The following SCCPDH variants were observed in gnomAD, a reference collection of about 807,000 sequenced individuals.
SCCPDH encodes the protein saccharopine dehydrogenase (putative).
A neutral mutation model predicts 51.5 loss-of-function variants in SCCPDH; 34 were observed. That is an observed-to-expected ratio of 0.66 (90% CI 0.50 to 0.88). SCCPDH has a LOEUF of 0.88. Ranked by LOEUF, SCCPDH falls within the 40% of genes least tolerant of loss-of-function variation. The pLI is 0.00. For synonymous variants in SCCPDH, 187 were observed against 191.3 expected, an observed-to-expected ratio of 0.98 and a Z score of 0.19; for missense variants, 464 against 527.1, an observed-to-expected ratio of 0.88 and a Z score of 1.17.
intron 9 of SCCPDH, among the ~76,000 whole-genome samples, chr1:246,761,803 CAT>C (rs528807135): frequency 2.0e-3 from 308 of 152,370 alleles, no homozygotes; most frequent in African/African-American, 6.6e-3. Context: ...TCAGTGAACA[CAT>C]GTGTTGCCTC....
chr1:246,730,953 G>A (rs983093130), intron 2 of SCCPDH, among the ~76,000 whole-genome samples: 12 of 152,160 alleles, frequency 7.9e-5, no homozygotes, highest in Non-Finnish European at 1.6e-4. Flanking sequence ...GCAGCTACTC[G>A]GGAGGCTGAC....
chr1:246,762,444 C>T (rs527722839), intron 9 of SCCPDH, among the ~76,000 whole-genome samples: 2 of 152,268 alleles, frequency 1.3e-5, no homozygotes, highest in Admixed American at 6.5e-5. Flanking sequence ...CCACTGCTGT[C>T]CAAGAGATCT....
At chr1:246,733,743 AAAT>A (rs1216505115) in intron 2 of SCCPDH, among the ~76,000 whole-genome samples, 2 of 152,238 alleles carry the variant, frequency 1.3e-5, no homozygotes, top group African/African-American at 4.8e-5. Context: ...CAGAAAATAC[AAAT>A]AATATACTGT....
chr1:246,762,737 A>T (rs1341037623), intron 9 of SCCPDH, among the ~76,000 whole-genome samples: 1 of 150,370 alleles, frequency 6.7e-6, no homozygotes, highest in Non-Finnish European at 1.5e-5. Context: ...GCTACTCAGG[A>T]GGCTGAGGCA....
chr1:246,741,420 C>CT (rs1668674702), intron 4 of SCCPDH, among the ~76,000 whole-genome samples: 1 of 152,232 alleles, frequency 6.6e-6, no homozygotes, highest in South Asian at 2.1e-4. Flanking sequence ...CCACAACCTC[C>CT]TAAGTAGCTA....
Position 246,727,017 on chromosome 1 carries a change from C to T in SCCPDH, c.303+13C>T, listed in dbSNP as rs186567447. On this transcript the variant is annotated intron_variant, in intron 2 of 11. Coordinates refer to ENST00000366510, the MANE Select transcript of SCCPDH (RefSeq NM_016002.3). ...TTGCGTAGGACCAGTAAGTAATCAA[C>T]CCTTCTTTGTATCAGAACAAACAAT... 1.1e-5 allele frequency: 16 copies of T among 1,511,784 alleles called. No homozygotes were observed. Among genetic ancestry groups the T allele is most frequent in the Middle Eastern group, 3.4e-4 (2 of 5,884 alleles). The allele number at this position is 1,511,784 out of a possible 1,614,324, so 93.6% of individuals were successfully genotyped here.
At chr1:246,734,570 C>T (rs1215252409) in intron 2 of SCCPDH, among the ~76,000 whole-genome samples, 1 of 152,158 alleles carries the variant, frequency 6.6e-6, no homozygotes, top group Non-Finnish European at 1.5e-5. Flanking sequence ...ACACTTCTCC[C>T]AGTCCTGTAA....
intron 5 of SCCPDH, among the ~76,000 whole-genome samples, chr1:246,752,643 G>A (rs1045133245): frequency 3.3e-5 from 5 of 151,908 alleles, no homozygotes; most frequent in African/African-American, 1.2e-4. Context: ...ACGAATCGGA[G>A]GAATCTGTAA....
intron 10 of SCCPDH, among the ~76,000 whole-genome samples, chr1:246,765,380 T>C (rs1669072927): frequency 6.6e-6 from 1 of 152,236 alleles, no homozygotes; most frequent in South Asian, 2.1e-4. Flanking sequence ...TGAATTGCCA[T>C]GCCTGGCCCA....
chr1:246,732,676 C>T (rs1348990425), intron 2 of SCCPDH, among the ~76,000 whole-genome samples: 1 of 152,148 alleles, frequency 6.6e-6, no homozygotes, highest in Non-Finnish European at 1.5e-5. Context: ...GCATGAGCCA[C>T]CACACCCAGC....
chr1:246,742,584 T>C (rs1382399486), intron 4 of SCCPDH, among the ~76,000 whole-genome samples: 1 of 152,184 alleles, frequency 6.6e-6, no homozygotes, highest in East Asian at 1.9e-4. Flanking sequence ...ACGTTAATGA[T>C]CTGCTTTTTA....
intron 2 of SCCPDH, among the ~76,000 whole-genome samples, chr1:246,732,796 C>A (rs371044164): frequency 2.2e-4 from 33 of 152,242 alleles, no homozygotes; most frequent in African/African-American, 7.5e-4. Context: ...TCTTTGTATT[C>A]TCTTATTTCA....
At chr1:246,738,705 T>C (rs1558168490) in intron 3 of SCCPDH, among the ~76,000 whole-genome samples, 1 of 151,070 alleles carries the variant, frequency 6.6e-6, no homozygotes, top group South Asian at 2.1e-4. Flanking sequence ...AAATAGAAAA[T>C]TAGCTGGGCG....
intron 3 of SCCPDH, among the ~76,000 whole-genome samples, chr1:246,739,067 G>T (rs566090071): frequency 1.3e-5 from 2 of 152,170 alleles, no homozygotes; most frequent in South Asian, 4.1e-4. Context: ...TTGTGTTCGT[G>T]TGTGTTTGTG....
rs560110751 is a variant in SCCPDH at position 246,752,808 on chromosome 1, C to A, written c.565-5418C>A. Reference sequence around the variant, plus strand: ...TAAATCTCTCTCTGATAAGTTTGTTCCTGCCTCTGGAATTAACAGAAATTT... The same window carrying A: ...TAAATCTCTCTCTGATAAGTTTGTTACTGCCTCTGGAATTAACAGAAATTT... On this transcript the variant is annotated intron_variant, in intron 5 of 11. Coordinates refer to ENST00000366510, the MANE Select transcript of SCCPDH (RefSeq NM_016002.3). Among the ~76,000 whole-genome samples, 5 of 152,056 alleles carry A rather than the reference C, an allele frequency of 3.3e-5. 1 individual carries two copies. Among genetic ancestry groups the A allele is most frequent in the Non-Finnish European group, 7.4e-5 (5 of 68,008 alleles).
In SCCPDH at chr1:246,744,219, A is replaced by G. The variant is rs1378206335; in HGVS notation, c.564+94A>G. 1.8e-4 allele frequency: 117 copies of G among 637,910 alleles called. No homozygotes were observed. The East Asian group carries it at 3.3e-3, about 18-fold the overall frequency. 39.5% of individuals were successfully genotyped at this position (637,910 alleles called of 1,614,324 possible). A position where few individuals can be genotyped will look rare whatever the true frequency, so the allele number is the denominator to read the frequency against. Reference sequence around the variant, plus strand: ...GTCTTTTAGGTATGTATAATTTTTAATGTGTGAAAGTCACCATGTTTAATT... The same window carrying G: ...GTCTTTTAGGTATGTATAATTTTTAGTGTGTGAAAGTCACCATGTTTAATT... On this transcript the variant is annotated intron_variant, in intron 5 of 11. Transcript: ENST00000366510.
Position 246,728,194 on chromosome 1 carries a change from C to T in SCCPDH, c.303+1190C>T, listed in dbSNP as rs141499040. 8.5e-5 allele frequency among the ~76,000 whole-genome samples: 13 copies of T among 152,224 alleles called. No individual in the cohort carries two copies. The East Asian group carries it at 2.5e-3, about 29-fold the overall frequency. ...GTGACATTTAGTGATCTGAAGAAGC[C>T]ATCACAGTTGGCAAGATGTTTAAAA... On this transcript the variant is annotated intron_variant, in intron 2 of 11. Coordinates refer to ENST00000366510, the MANE Select transcript of SCCPDH (RefSeq NM_016002.3).
At chr1:246,735,691 C>T (rs1479628708) in intron 2 of SCCPDH, among the ~76,000 whole-genome samples, 1 of 152,172 alleles carries the variant, frequency 6.6e-6, no homozygotes, top group Non-Finnish European at 1.5e-5. Context: ...GCCACCACGC[C>T]CGGCTAATTT....
chr1:246,751,776 C>CTT (rs34218859), intron 5 of SCCPDH, among the ~76,000 whole-genome samples: 41,167 of 138,326 alleles, frequency 0.3, 6,677 homozygotes, highest in East Asian at 0.47. Context: ...ATAAATTCTC[C>CTT]TTTTTTTTTT....
Sources: allele counts gnomAD v4.1 joint callset (sites outside exome capture counted in the v4.1 genomes callset), GRCh38; gene constraint gnomAD v4.1.1; transcripts MANE v1.5; gene names NCBI Gene and HGNC (gene_info 2026-07-23, HGNC 2026-07-21).